Variants in RAP1B observed in about 807,000 individuals in gnomAD.
The protein encoded by RAP1B is RAP1B, member of RAS oncogene family.
Under a neutral mutation model 27.5 loss-of-function variants are expected in RAP1B, and 1 was observed. That is an observed-to-expected ratio of 0.04 (90% confidence interval 0.01 to 0.17). RAP1B has a LOEUF of 0.17. Among genes scored for constraint, RAP1B ranks in the 10% least tolerant of loss-of-function variants. The pLI is 1.00. For synonymous variants in RAP1B, 75 were observed against 73.1 expected, an observed-to-expected ratio of 1.03 and a Z score of -0.13; for missense variants, 84 against 214.8, an observed-to-expected ratio of 0.39 and a Z score of 3.81.
intron 1 of RAP1B, among the ~76,000 whole-genome samples, chr12:68,632,129 GTTTTT>G: frequency 9.6e-6 from 1 of 104,386 alleles, no homozygotes; most frequent in South Asian, 3.2e-4. Context: ...TTTTGGATTT[GTTTTT>G]TTTTTTTTTT....
chr12:68,625,698 A>T (rs1592429128), intron 1 of RAP1B, among the ~76,000 whole-genome samples: 1 of 152,268 alleles, frequency 6.6e-6, no homozygotes, highest in East Asian at 1.9e-4. Flanking sequence ...AGGCGGGTGG[A>T]TCATGAGGTC....
Position 68,616,438 on chromosome 12 carries a change from A to ATTT in RAP1B, c.-27+5419_-27+5421dup, listed in dbSNP as rs142174644. Among the ~76,000 whole-genome samples the ATTT allele has an allele frequency of 2.7e-3, 243 of 89,460 alleles. 10 individuals are homozygous for ATTT. The highest frequency in any genetic ancestry group is 0.011 in the African/African-American group (220 of 19,590). 58.7% of individuals were successfully genotyped at this position (89,460 alleles called of 152,430 possible). A position where few individuals can be genotyped will look rare whatever the true frequency, so the allele number is the denominator to read the frequency against. On this transcript the variant is annotated intron_variant, in intron 1 of 7. Coordinates refer to ENST00000250559, the MANE Select transcript of RAP1B (RefSeq NM_001010942.3). ...TAGCTGGGAATACTGTGCCTGGCTAATTTTTTTTTTTTTTTTTTTTTTTTT... is the reference window on the plus strand; with the variant it reads ...TAGCTGGGAATACTGTGCCTGGCTAATTTTTTTTTTTTTTTTTTTTTTTTTTTT...
At chr12:68,627,978 A>G (rs376783498) in intron 1 of RAP1B, among the ~76,000 whole-genome samples, 15 of 152,212 alleles carry the variant, frequency 9.9e-5, no homozygotes, top group African/African-American at 3.6e-4. Context: ...CATGCAGCAC[A>G]CGCCTATAGT....
intron 1 of RAP1B, among the ~76,000 whole-genome samples, chr12:68,629,125 C>T (rs1434733762): frequency 2.0e-5 from 3 of 152,106 alleles, no homozygotes; most frequent in African/African-American, 2.4e-5. Flanking sequence ...TAGCTAGGGC[C>T]ACAGGCATGC....
chr12:68,653,882 G>A (rs1874002205), intron 4 of RAP1B, among the ~76,000 whole-genome samples: 1 of 151,786 alleles, frequency 6.6e-6, no homozygotes, highest in Non-Finnish European at 1.5e-5. Context: ...AGTGAGCCGA[G>A]GTCGCGCCAC....
intron 1 of RAP1B, among the ~76,000 whole-genome samples, chr12:68,629,022 T>G (rs990618398): frequency 1.1e-4 from 17 of 152,002 alleles, no homozygotes; most frequent in Non-Finnish European, 2.1e-4. Context: ...TATCTGTCTG[T>G]CTGTCTGTCT....
At chr12:68,631,896 A>G (rs1742114343) in intron 1 of RAP1B, among the ~76,000 whole-genome samples, 1 of 152,138 alleles carries the variant, frequency 6.6e-6, no homozygotes. Context: ...CTGTCAGAAC[A>G]TATTCCACCT....
intron 1 of RAP1B, among the ~76,000 whole-genome samples, chr12:68,615,826 CT>C (rs990538845): frequency 1.8e-4 from 27 of 151,874 alleles, no homozygotes; most frequent in African/African-American, 6.5e-4. Context: ...TCAGTGAGAC[CT>C]TTTAAATTTT....
chr12:68,658,921 A>C (rs1253986803), intron 7 of RAP1B, among the ~76,000 whole-genome samples: 1 of 152,188 alleles, frequency 6.6e-6, no homozygotes, highest in East Asian at 1.9e-4. Context: ...TAATATTGCT[A>C]TCTGACTTTT....
chr12:68,613,350 T>C (rs1870748366), intron 1 of RAP1B, among the ~76,000 whole-genome samples: 1 of 142,222 alleles, frequency 7.0e-6, no homozygotes, highest in African/African-American at 2.6e-5. Flanking sequence ...GAGACTGCAC[T>C]ACTGTACTGC....
chr12:68,648,867 T>TAACA, intron 2 of RAP1B, 86 bp downstream of exon 2: 1 of 1,227,788 alleles, frequency 8.1e-7, no homozygotes, highest in Non-Finnish European at 1.1e-6. Context: ...TTGTCTTTGT[T>TAACA]AAGATAAAAT....
At chr12:68,651,039 A>G (rs559899610) in intron 3 of RAP1B, among the ~76,000 whole-genome samples, 1 of 152,350 alleles carries the variant, frequency 6.6e-6, no homozygotes, top group East Asian at 1.9e-4. Context: ...TAATATTTTT[A>G]ATATTCTTAT....
At chr12:68,618,789 T>G (rs1243780359) in intron 1 of RAP1B, among the ~76,000 whole-genome samples, 1 of 152,166 alleles carries the variant, frequency 6.6e-6, no homozygotes, top group Non-Finnish European at 1.5e-5. Context: ...AGTAAAAAAA[T>G]TTTAAACTAA....
intron 1 of RAP1B, among the ~76,000 whole-genome samples, chr12:68,632,277 G>A (rs1156586237): frequency 6.6e-6 from 1 of 151,724 alleles, no homozygotes; most frequent in Admixed American, 6.6e-5. Flanking sequence ...GGGACTACAG[G>A]TGTGTGTGAA....
intron 1 of RAP1B, among the ~76,000 whole-genome samples, chr12:68,639,066 G>T (rs1290335770): frequency 6.6e-6 from 1 of 152,182 alleles, no homozygotes; most frequent in East Asian, 1.9e-4. Flanking sequence ...TAGGGATCTA[G>T]TCGAGAAGTC....
At chr12:68,654,075 A>G (rs759687063) in intron 4 of RAP1B, 37 bp from the exon 5 acceptor site, 11 of 1,527,464 alleles carry the variant, frequency 7.2e-6, no homozygotes, top group Non-Finnish European at 9.9e-6. Flanking sequence ...CTGTCAAAAC[A>G]TTATTGTTTT....
chr12:68,646,584 G>A (rs919067661), intron 1 of RAP1B, among the ~76,000 whole-genome samples: 5 of 152,140 alleles, frequency 3.3e-5, no homozygotes, highest in Non-Finnish European at 5.9e-5. Context: ...CACTGCGCCC[G>A]GCCCACTACA....
chr12:68,622,464 T>C (rs1429714997), intron 1 of RAP1B, among the ~76,000 whole-genome samples: 1 of 152,202 alleles, frequency 6.6e-6, no homozygotes, highest in Non-Finnish European at 1.5e-5. Flanking sequence ...TTCACAACTT[T>C]ATCCCCATTA....
chr12:68,653,734 C>T (rs780174723), intron 4 of RAP1B, among the ~76,000 whole-genome samples: 2 of 152,042 alleles, frequency 1.3e-5, no homozygotes, highest in African/African-American at 2.4e-5. Flanking sequence ...GGAGATCATC[C>T]TGGCTAACAT....
Sources: gnomAD v4.1 joint callset for allele counts (sites outside exome capture counted in the v4.1 genomes callset) on GRCh38, gnomAD v4.1.1 for gene constraint, MANE v1.5 for transcripts, NCBI Gene and HGNC (gene_info 2026-07-23, HGNC 2026-07-21) for gene names.